Variants in TANC2 observed in about 807,000 individuals in gnomAD.
The protein encoded by TANC2 is protein TANC2.
Under a neutral mutation model 210.5 loss-of-function variants are expected in TANC2, and 26 were observed. The observed-to-expected ratio is 0.12, with a 90% CI of 0.09 to 0.17. The LOEUF is 0.17. Among genes scored for constraint, TANC2 ranks in the 10% least tolerant of loss-of-function variants. The pLI is 1.00. For missense variants in TANC2, 2,129 were observed against 2,608.9 expected, an observed-to-expected ratio of 0.82 and a Z score of 4.01; for synonymous variants, 931 against 967.1, an observed-to-expected ratio of 0.96 and a Z score of 0.69.
intron 3 of TANC2, among the ~76,000 whole-genome samples, chr17:63,082,170 C>CA (rs1343928573): frequency 6.6e-6 from 1 of 151,302 alleles, no homozygotes; most frequent in Non-Finnish European, 1.5e-5. Context: ...GACTCCATCT[C>CA]AAAAAAAAGA....
intron 3 of TANC2, among the ~76,000 whole-genome samples, chr17:63,082,026 C>G (rs758660834): frequency 4.0e-5 from 6 of 151,738 alleles, no homozygotes; most frequent in Non-Finnish European, 7.4e-5. Flanking sequence ...AAAAAGTTAG[C>G]TGGGCGTGGT....
chr17:63,329,024 T>G (rs1045902449), intron 11 of TANC2, among the ~76,000 whole-genome samples: 1 of 152,184 alleles, frequency 6.6e-6, no homozygotes, highest in African/African-American at 2.4e-5. Context: ...GCATTTCGTC[T>G]TGTACTTGAA....
chr17:63,099,574 A>G (rs2037545908), intron 4 of TANC2, among the ~76,000 whole-genome samples: 1 of 152,054 alleles, frequency 6.6e-6, no homozygotes, highest in Non-Finnish European at 1.5e-5. Context: ...TATTTTCTAA[A>G]TGACCCATCT....
At chr17:63,415,107 C>CA (rs1454335755) in intron 25 of TANC2, among the ~76,000 whole-genome samples, 1 of 151,904 alleles carries the variant, frequency 6.6e-6, no homozygotes, top group African/African-American at 2.4e-5. Context: ...AGCGTCAGAC[C>CA]AAAAAAACAG....
intron 2 of TANC2, among the ~76,000 whole-genome samples, chr17:63,029,876 G>A (rs574099124): frequency 1.1e-4 from 16 of 152,326 alleles, no homozygotes; most frequent in Admixed American, 2.6e-4. Context: ...GCATTTGCTA[G>A]TAGATGGAGA....
exon 11 of TANC2, chr17:63,319,088 C>G: frequency 6.2e-7 from 1 of 1,611,142 alleles, no homozygotes; most frequent in Non-Finnish European, 8.5e-7. Context: ...ACTAGCCTCG[C>G]AGGTACAATA....
chr17:63,198,184 ACTTTT>A (rs1320610432), intron 6 of TANC2, among the ~76,000 whole-genome samples: 1 of 151,632 alleles, frequency 6.6e-6, no homozygotes, highest in Admixed American at 6.6e-5. Flanking sequence ...TCATAATAAA[ACTTTT>A]CTTCTTTTTT....
At chr17:63,333,425 G>A (rs899614024) in intron 11 of TANC2, among the ~76,000 whole-genome samples, 1 of 152,208 alleles carries the variant, frequency 6.6e-6, no homozygotes, top group Non-Finnish European at 1.5e-5. Flanking sequence ...AGAATTGTAA[G>A]TGGAGCCTGA....
intron 1 of TANC2, among the ~76,000 whole-genome samples, chr17:62,991,596 C>A (rs192801678): frequency 1.3e-5 from 2 of 149,736 alleles, no homozygotes; most frequent in Non-Finnish European, 3.0e-5. Flanking sequence ...GCCAAGATCA[C>A]GCCACTGCAC....
In TANC2 at chr17:63,046,702, AT is replaced by A. The variant is rs1316638673; in HGVS notation, c.68-27239del. On this transcript the variant is annotated intron_variant, in intron 2 of 27. Transcript: ENST00000689528. The stretch of plus-strand genomic sequence containing the variant: ...ATTATAATCAAGTAATATAGTACAG[AT>A]TAAGTACCCACAAGTGCATGGTATT... Among the ~76,000 whole-genome samples the A allele has an allele frequency of 3.9e-5, 6 of 152,296 alleles. No homozygotes were observed. In the East Asian group the frequency reaches 5.8e-4, roughly 15 times the overall value.
chr17:63,238,121 T>A (rs976010704), intron 8 of TANC2, 44 bp downstream of exon 8: 1 of 1,492,756 alleles, frequency 6.7e-7, no homozygotes. Context: ...TGTTAAATAA[T>A]CATTTTACTC....
At chr17:63,398,883 C>T in exon 19 of TANC2, 1 of 1,597,648 alleles carries the variant, frequency 6.3e-7, no homozygotes, top group Non-Finnish European at 8.5e-7. Flanking sequence ...GAGCACAGAT[C>T]AACAGCTTTG....
intron 4 of TANC2, among the ~76,000 whole-genome samples, chr17:63,140,100 A>G (rs761366626): frequency 1.2e-4 from 19 of 152,334 alleles, no homozygotes; most frequent in African/African-American, 4.1e-4. Context: ...TAGAAAATCA[A>G]TATCATGAAC....
intron 8 of TANC2, among the ~76,000 whole-genome samples, chr17:63,251,601 T>C (rs2043055154): frequency 6.6e-6 from 1 of 152,148 alleles, no homozygotes; most frequent in African/African-American, 2.4e-5. Context: ...TGGAAAATGA[T>C]AGATTCAGAT....
intron 11 of TANC2, among the ~76,000 whole-genome samples, chr17:63,339,719 T>TTTA (rs1342688192): frequency 6.7e-6 from 1 of 148,154 alleles, no homozygotes; most frequent in Non-Finnish European, 1.5e-5. Context: ...TCATGCTTTG[T>TTTA]TTAAAGATTA....
In TANC2 at chr17:63,421,225, C is replaced by T. The variant is rs756992729; in HGVS notation, c.5495C>T (p.Ser1832Leu). 1.1e-5 allele frequency: 17 copies of T among 1,613,908 alleles called. No individual in the cohort carries two copies. The highest frequency in any genetic ancestry group is 6.7e-5 in the Admixed American group (4 of 60,008). Residue 1832 changes from serine (S) to leucine (L), a missense_variant, in exon 28 of 28, where the codon TCG becomes TTG. Ser to Leu is a moderately radical substitution (Grantham distance 145). Coordinates refer to ENST00000689528, the Ensembl canonical transcript of TANC2. The surrounding 1 kb of genome is among the most constrained non-coding windows in gnomAD (Gnocchi z 6.9). ...AGCCAACTAGGTTCCCCTGATGTGT[C>T]GCATTTAATCAGAAGACCTATCAGT...
intron 11 of TANC2, among the ~76,000 whole-genome samples, chr17:63,323,065 C>T (rs982458497): frequency 1.3e-5 from 2 of 152,228 alleles, no homozygotes; most frequent in African/African-American, 4.8e-5. Flanking sequence ...AGTTCAGCTA[C>T]ACAAAAGTGT....
chr17:63,335,519 A>G (rs1260128547), intron 11 of TANC2, among the ~76,000 whole-genome samples: 1 of 152,028 alleles, frequency 6.6e-6, no homozygotes, highest in East Asian at 1.9e-4. Flanking sequence ...AGGTTGAGAC[A>G]GGAGAATCAC....
chr17:63,349,793 T>G (rs2046537811), intron 12 of TANC2, among the ~76,000 whole-genome samples: 1 of 152,116 alleles, frequency 6.6e-6, no homozygotes, highest in African/African-American at 2.4e-5. Context: ...ATCAAGAACA[T>G]AACACCCACC....
Sources: allele counts gnomAD v4.1 joint callset (sites outside exome capture counted in the v4.1 genomes callset), GRCh38; gene constraint gnomAD v4.1.1; non-coding constraint Gnocchi (gnomAD v3.1); transcripts MANE v1.5; gene names NCBI Gene and HGNC (gene_info 2026-07-23, HGNC 2026-07-21).